RUNDC3A: variants seen among roughly 807,000 people sequenced by gnomAD.
RUNDC3A encodes the protein RUN domain containing 3A.
RUNDC3A carries 28 observed loss-of-function variants against 53.9 expected under a neutral mutation model. That is an observed-to-expected ratio of 0.52 (90% CI 0.38 to 0.71). RUNDC3A has a LOEUF of 0.71. RUNDC3A is among the 30% of genes least tolerant of loss of function. The pLI is 0.00. For missense variants in RUNDC3A, 491 were observed against 597.3 expected (o/e 0.82, Z 1.85); for synonymous variants, 232 against 249.4 (o/e 0.93, Z 0.66).
At position 44,318,411 on chromosome 17, in the gene RUNDC3A, A is replaced by ACGGGCTG; in HGVS notation, c.*177_*183dup. On this transcript the variant is annotated 3_prime_UTR_variant, in exon 11 of 11. Coordinates refer to ENST00000426726, the MANE Select transcript of RUNDC3A (RefSeq NM_001144825.2). ...CACCTTAGCTTTCTGCCTTGGCAGC[A>ACGGGCTG]CGGGCTGCGGAAGAAAGCACGCTGG... 1.3e-6 allele frequency: 1 copy of ACGGGCTG among 792,166 alleles called. No individual in the cohort carries two copies. Among genetic ancestry groups the ACGGGCTG allele is most frequent in the South Asian group, 1.9e-5 (1 of 51,986 alleles). 49.1% of individuals were successfully genotyped at this position (792,166 alleles called of 1,614,324 possible).
rs768598870 is a variant in RUNDC3A at position 44,312,636 on chromosome 17, C to T, written c.164C>T (p.Ser55Leu). 36 of 1,587,630 alleles carry T rather than the reference C, an allele frequency of 2.3e-5. No individual in the cohort carries two copies. Among genetic ancestry groups the T allele is most frequent in the Non-Finnish European group, 2.9e-5 (34 of 1,167,408 alleles). Residue 55 changes from serine (S) to leucine (L), a missense_variant, in exon 2 of 11, where the codon TCG becomes TTG. By Grantham distance (145) the Ser-to-Leu change is moderately radical. This residue lies in a region of RUNDC3A where 273 missense variants were observed against 389.0 expected (regional missense o/e 0.70). Transcript: ENST00000426726. ...KYTAEPIDDS[S>L]EEFVNFAAIL... ...ACAGCGGAGCCCATCGATGACTCAT[C>T]GGAGGAGTTTGTCAATTTTGCAGCC...
At chr17:44,312,982 C>A in intron 2 of RUNDC3A, 122 bp from the exon 3 acceptor site, 1 of 1,073,532 alleles carries the variant, frequency 9.3e-7, no homozygotes, top group Non-Finnish European at 1.4e-6. Flanking sequence ...TGCACACGTG[C>A]ATGTGTGTGC....
In RUNDC3A at chr17:44,313,173, G is replaced by A. The variant is rs1261751920; in HGVS notation, c.293G>A (p.Arg98Gln). ...DGQRGFWDYI[R>Q]LACSKVPNNC... ...CAGCGGGGCTTTTGGGACTATATCC[G>A]GCTGGCCTGCAGCAAAGTGCCCAAC... The change falls in exon 3 of 11, where the codon CGG becomes CAG. Residue 98 changes from arginine (R) to glutamine (Q), a missense_variant. Physicochemically the swap from Arg to Gln is conservative, Grantham distance 43. Coordinates refer to ENST00000426726, the MANE Select transcript of RUNDC3A (RefSeq NM_001144825.2). 8 of 1,613,914 alleles carry A rather than the reference G, an allele frequency of 5.0e-6. No homozygotes were observed. Among genetic ancestry groups the A allele is most frequent in the African/African-American group, 1.3e-5 (1 of 74,934 alleles).
intron 4 of RUNDC3A, chr17:44,314,503 G>T: frequency 2.1e-6 from 3 of 1,415,886 alleles, no homozygotes; most frequent in Non-Finnish European, 1.8e-6. Flanking sequence ...GATGAGGAAG[G>T]GGTAGCTCAG....
At chr17:44,311,038 A>G (rs2047739514) in intron 1 of RUNDC3A, 13 of 985,376 alleles carry the variant, frequency 1.3e-5, no homozygotes, top group Non-Finnish European at 1.6e-5. Context: ...TCCCATTTGC[A>G]TTTGACAAGA....
chr17:44,310,807 A>T, intron 1 of RUNDC3A: 1 of 985,536 alleles, frequency 1.0e-6, no homozygotes, highest in Non-Finnish European at 1.2e-6. Flanking sequence ...TCCAGGCCCC[A>T]TCATGGTCTG....
At chr17:44,313,298 G>C (rs370259985) in intron 3 of RUNDC3A, 46 bp downstream of exon 3, 31 of 1,608,680 alleles carry the variant, frequency 1.9e-5, no homozygotes, top group African/African-American at 5.3e-5. Flanking sequence ...TGGACACAGG[G>C]GGCCTGCCTG....
Position 44,314,804 on chromosome 17 carries a change from A to C in RUNDC3A, c.528A>C (p.Gly176=), listed in dbSNP as rs2047823634. ...EATILTGMLI[G]LSAIDFSFCL... ...CCATCCTCACCGGAATGCTGATCGG[A>C]CTGAGCGCCATCGACTTCAGGTGGG... The change falls in exon 5 of 11, where the codon GGA becomes GGC. Residue 176 remains glycine (G), a synonymous_variant. Transcript: ENST00000426726. The C allele has an allele frequency of 3.1e-6, 5 of 1,613,520 alleles. No individual in the cohort carries two copies. The East Asian group carries it at 1.1e-4, about 36-fold the overall frequency.
rs928967479 is a variant in RUNDC3A, at chr17:44,318,236, T to G, written c.1339T>G (p.Ter447GlyextTer88). Residue 447 changes from the stop codon to glycine (G), a stop_lost, in exon 11 of 11, where the codon TGA (stop) becomes GGA (glycine). Coordinates refer to ENST00000426726, the MANE Select transcript of RUNDC3A (RefSeq NM_001144825.2). ...PEGSPALSPS[*>G] ...GGGCAGCCCAGCACTGAGCCCCAGC[T>G]GAGGAACAGCATGGGCAGTGCCAGC... 8 of 1,549,934 alleles carry G rather than the reference T, an allele frequency of 5.2e-6. No homozygotes were observed. The highest frequency in any genetic ancestry group is 1.4e-5 in the African/African-American group (1 of 73,128).
At chr17:44,316,800 T>G in intron 10 of RUNDC3A, 75 bp downstream of exon 10, 1 of 766,942 alleles carries the variant, frequency 1.3e-6, no homozygotes, top group South Asian at 1.8e-5. Flanking sequence ...TCAAGGCATG[T>G]CCTCATTCAT....
chr17:44,311,872 C>T (rs576518498), intron 1 of RUNDC3A, among the ~76,000 whole-genome samples: 45 of 152,238 alleles, frequency 3.0e-4, no homozygotes, highest in African/African-American at 1.1e-3. Flanking sequence ...GCTGCCAATG[C>T]CCCCTCCTGC....
intron 10 of RUNDC3A, chr17:44,317,082 G>T: frequency 2.6e-6 from 1 of 391,158 alleles, no homozygotes; most frequent in South Asian, 3.6e-5. Context: ...CTGACCTCAA[G>T]TGATTCACCC....
At chr17:44,309,515 G>C (rs923629231) in intron 1 of RUNDC3A, among the ~76,000 whole-genome samples, 2 of 152,144 alleles carry the variant, frequency 1.3e-5, no homozygotes, top group Non-Finnish European at 2.9e-5. Flanking sequence ...GGAGAAGATC[G>C]GGAGGACAGG....
In RUNDC3A at chr17:44,318,472, C is replaced by T; in HGVS notation, c.*234C>T. ...AGGGGTGCCCAAGCCACAGGGAGCC[C>T]CTGGGGAAGCCTGCTCCATTCTTCT... On this transcript the variant is annotated 3_prime_UTR_variant, in exon 11 of 11. Coordinates refer to ENST00000426726, the MANE Select transcript of RUNDC3A (RefSeq NM_001144825.2). The T allele has an allele frequency of 1.8e-6, 1 of 544,254 alleles. No individual in the cohort carries two copies. The highest frequency in any genetic ancestry group is 3.3e-6 in the Non-Finnish European group (1 of 302,818). 33.7% of individuals were successfully genotyped at this position (544,254 alleles called of 1,614,324 possible). A position where few individuals can be genotyped will look rare whatever the true frequency, so the allele number is the denominator to read the frequency against.
In RUNDC3A at chr17:44,315,639, C is replaced by G; in HGVS notation, c.953+30C>G. 7.2e-7 allele frequency: 1 copy of G among 1,381,328 alleles called. No homozygotes were observed. Among genetic ancestry groups the G allele is most frequent in the Non-Finnish European group, 9.5e-7 (1 of 1,057,390 alleles). 85.6% of individuals were successfully genotyped at this position (1,381,328 alleles called of 1,614,324 possible). A position where few individuals can be genotyped will look rare whatever the true frequency, so the allele number is the denominator to read the frequency against. ...GCGCACGGCCTGCCCTAACCCCTGA[C>G]CCCCGCCGCCCCGACCACATCACCG... On this transcript the variant is annotated intron_variant, in intron 8 of 10. Transcript: ENST00000426726. This position sits in a 1 kb window ranked among gnomAD's most constrained non-coding sequence, Gnocchi z 6.1.
chr17:44,318,139 G>A lies in RUNDC3A; in HGVS notation c.1242G>A (p.Leu414=), dbSNP rs1206129342. 1.9e-6 allele frequency: 3 copies of A among 1,551,394 alleles called. No homozygotes were observed. The highest frequency in any genetic ancestry group is 2.6e-6 in the Non-Finnish European group (3 of 1,146,984). The change falls in exon 11 of 11, where the codon CTG becomes CTA. Residue 414 remains leucine, a synonymous_variant. Coordinates refer to ENST00000426726, the MANE Select transcript of RUNDC3A (RefSeq NM_001144825.2). ...TPSMLGLCGS[L]ASIPSCKSLA... ...CCATGCTGGGCCTCTGCGGCTCCCT[G>A]GCCTCCATTCCCAGCTGCAAGTCCC...
intron 1 of RUNDC3A, among the ~76,000 whole-genome samples, chr17:44,312,006 G>T (rs1002424493): frequency 6.6e-6 from 1 of 152,182 alleles, no homozygotes; most frequent in African/African-American, 2.4e-5. Context: ...GGGGAAGGGG[G>T]TATCTGTGTA....
At chr17:44,309,164 G>A (rs755929173) in intron 1 of RUNDC3A, among the ~76,000 whole-genome samples, 1 of 152,208 alleles carries the variant, frequency 6.6e-6, no homozygotes. Flanking sequence ...GGCCTGGGGG[G>A]TGAGGGGTGT....
In RUNDC3A at chr17:44,318,213, G is replaced by A. The variant is rs1482843856; in HGVS notation, c.1316G>A (p.Gly439Asp). Residue 439 changes from glycine (G) to aspartate (D), a missense_variant, in exon 11 of 11, where the codon GGC (glycine) becomes GAC (aspartate). This residue lies in a region of RUNDC3A where 218 missense variants were observed against 208.2 expected (regional missense o/e 1.05). Coordinates refer to ENST00000426726, the MANE Select transcript of RUNDC3A (RefSeq NM_001144825.2). Reference sequence around the variant, plus strand: ...TGCCTGGTGAGCGACAGTCCCGAGGGCAGCCCAGCACTGAGCCCCAGCTGA... The same window carrying A: ...TGCCTGGTGAGCGACAGTCCCGAGGACAGCCCAGCACTGAGCCCCAGCTGA... Reference protein sequence around the residue: ...NECLVSDSPEGSPALSPS With the variant: ...NECLVSDSPEDSPALSPS 1.9e-6 allele frequency: 3 copies of A among 1,551,060 alleles called. No individual in the cohort carries two copies. The highest frequency in any genetic ancestry group is 1.4e-5 in the African/African-American group (1 of 73,042).
Sources: gnomAD v4.1 joint callset for allele counts (sites outside exome capture counted in the v4.1 genomes callset) on GRCh38, gnomAD v4.1.1 for gene constraint, gnomAD v4.1.1 regional missense constraint, Gnocchi (gnomAD v3.1) non-coding constraint, MANE v1.5 for transcripts, NCBI Gene and HGNC (gene_info 2026-07-23, HGNC 2026-07-21) for gene names.